The following TNRC6A variants were observed in gnomAD, a reference collection of about 807,000 sequenced individuals.
TNRC6A encodes trinucleotide repeat-containing gene 6A protein.
In TNRC6A, 44 loss-of-function variants were observed where a neutral mutation model predicts 221.2. The observed-to-expected ratio is 0.20, with a 90% CI of 0.16 to 0.26. The LOEUF (loss-of-function observed/expected upper bound fraction) is 0.26. TNRC6A is among the 10% of genes least tolerant of loss of function. The probability of loss-of-function intolerance (pLI) is 1.00; values close to 1 mark genes in which losing one functional copy is unlikely to be tolerated. For missense variants in TNRC6A, 2,199 were observed against 2,404.4 expected (o/e 0.91, Z 1.79); for synonymous variants, 847 against 838.5 (o/e 1.01, Z -0.18).
intron 10 of TNRC6A, 38 bp from the exon 11 acceptor site, chr16:24,797,877 A>G (rs1319114686): frequency 6.4e-7 from 1 of 1,554,524 alleles, no homozygotes; most frequent in Non-Finnish European, 8.7e-7. Context: ...TCATTGATAA[A>G]TTAAGGTCTG....
At chr16:24,628,248 G>A (rs574959330) in intron 1 of TNRC6A, among the ~76,000 whole-genome samples, 160 of 151,436 alleles carry the variant, frequency 1.1e-3, no homozygotes, top group Non-Finnish European at 1.7e-3. Context: ...GTGAAACCCC[G>A]TCTCTACTAA....
chr16:24,687,994 G>C (rs1402742695), intron 2 of TNRC6A, among the ~76,000 whole-genome samples: 1 of 140,360 alleles, frequency 7.1e-6, no homozygotes, highest in African/African-American at 2.7e-5. Context: ...GTGCAATGGC[G>C]CGATCTCTGC....
intron 17 of TNRC6A, among the ~76,000 whole-genome samples, chr16:24,807,090 C>T (rs1433805399): frequency 6.6e-6 from 1 of 151,678 alleles, no homozygotes; most frequent in African/African-American, 2.4e-5. Context: ...ACTGCAACCT[C>T]TGCCTCCCGG....
chr16:24,707,347 G>GGT (rs1555492124), intron 2 of TNRC6A, among the ~76,000 whole-genome samples: 3 of 76,034 alleles, frequency 3.9e-5, no homozygotes, highest in Admixed American at 1.5e-4. Flanking sequence ...GGGGAACATG[G>GGT]GCGCACACAC....
intron 1 of TNRC6A, among the ~76,000 whole-genome samples, chr16:24,616,817 A>G (rs775845485): frequency 2.6e-5 from 4 of 152,140 alleles, no homozygotes; most frequent in Non-Finnish European, 4.4e-5. Flanking sequence ...GCTACTCAGG[A>G]GCCTGAGGCA....
chr16:24,734,214 A>G (rs1333697190), intron 2 of TNRC6A, among the ~76,000 whole-genome samples: 2 of 152,168 alleles, frequency 1.3e-5, no homozygotes, highest in East Asian at 1.9e-4. Context: ...AGATGAGTGT[A>G]TAAGATACTG....
chr16:24,715,392 C>G (rs1188958915), intron 2 of TNRC6A, among the ~76,000 whole-genome samples: 1 of 151,800 alleles, frequency 6.6e-6, no homozygotes, highest in African/African-American at 2.4e-5. Context: ...CCTTTTAAGC[C>G]TTGTTGGGCA....
intron 5 of TNRC6A, among the ~76,000 whole-genome samples, chr16:24,786,954 T>G (rs565767770): frequency 6.6e-6 from 1 of 152,320 alleles, no homozygotes; most frequent in South Asian, 2.1e-4. Context: ...GTGTTGAGAT[T>G]ACAGGCATAA....
At chr16:24,730,195 C>G in intron 1 of TNRC6A, 58 bp from the exon 2 acceptor site, 1 of 1,520,018 alleles carries the variant, frequency 6.6e-7, no homozygotes, top group East Asian at 2.6e-5. Flanking sequence ...TTTTCACGCG[C>G]ATCTCGTTTT....
Position 24,789,866 on chromosome 16 carries a change from C to G in TNRC6A, c.1224C>G (p.Asn408Lys). The G allele has an allele frequency of 6.2e-7, 1 of 1,614,116 alleles. No individual in the cohort carries two copies. The highest frequency in any genetic ancestry group is 1.3e-5 in the African/African-American group (1 of 75,054). ...AGATGCCTAACAATCAGAGTATTAA[C>G]TCTAAAGTGAGTGGTGGTTCTACCC... is the stretch of plus-strand genomic sequence containing the variant. ...IGQMPNNQSINSKVSGGSTHG... is the reference protein window; with the variant it reads ...IGQMPNNQSIKSKVSGGSTHG... The change falls in exon 6 of 25, where the codon AAC becomes AAG. Residue 408 changes from asparagine (N) to lysine (K), a missense_variant. Physicochemically the swap from Asn to Lys is moderately conservative, Grantham distance 94. Transcript: ENST00000395799.
chr16:24,756,917 C>T (rs1418370397), intron 3 of TNRC6A, among the ~76,000 whole-genome samples: 2 of 151,980 alleles, frequency 1.3e-5, no homozygotes, highest in East Asian at 3.9e-4. Context: ...AGCCTTTCAA[C>T]GTGTAAAAGA....
rs1226181953 is a variant in TNRC6A at position 24,682,828 on chromosome 16, T to C, written n.402+41819T>C. Among the ~76,000 whole-genome samples the C allele has an allele frequency of 2.6e-5, 4 of 152,118 alleles. No homozygotes were observed. In the East Asian group the frequency reaches 5.8e-4, roughly 22 times the overall value. ...GGGGCTCCCTATTGGTCAAAACCAA[T>C]GGGAAGCCAGAAGACAAGGGAGCCC... On this transcript the variant is annotated intron_variant and non_coding_transcript_variant, in intron 2 of 2. Transcript: ENST00000566108.
intron 2 of TNRC6A, among the ~76,000 whole-genome samples, chr16:24,677,311 C>T (rs1309481881): frequency 2.0e-5 from 3 of 151,944 alleles, no homozygotes; most frequent in Non-Finnish European, 2.9e-5. Context: ...TACAGGCACC[C>T]ACCACCACAC....
chr16:24,731,241 C>T (rs1282985979), intron 2 of TNRC6A, among the ~76,000 whole-genome samples: 1 of 151,618 alleles, frequency 6.6e-6, no homozygotes, highest in Non-Finnish European at 1.5e-5. Context: ...TGAAATTTCT[C>T]CTATCTCAGG....
intron 2 of TNRC6A, among the ~76,000 whole-genome samples, chr16:24,651,441 G>A (rs1050961846): frequency 9.3e-5 from 14 of 150,288 alleles, no homozygotes; most frequent in Non-Finnish European, 8.8e-5. Context: ...AGGAGGCTGA[G>A]GCAGGAGAAT....
intron 1 of TNRC6A, among the ~76,000 whole-genome samples, chr16:24,612,268 C>T (rs907983841): frequency 1.3e-5 from 2 of 152,074 alleles, no homozygotes; most frequent in Admixed American, 6.6e-5. Context: ...GAGCAGAATC[C>T]GCCGAGTGAC....
At chr16:24,748,075 G>T (rs918675413) in intron 2 of TNRC6A, among the ~76,000 whole-genome samples, 1 of 152,122 alleles carries the variant, frequency 6.6e-6, no homozygotes, top group African/African-American at 2.4e-5. Context: ...TGCCACTGAG[G>T]ACTGGTGAGT....
At chr16:24,635,567 G>A (rs1901598584) in intron 1 of TNRC6A, among the ~76,000 whole-genome samples, 1 of 152,116 alleles carries the variant, frequency 6.6e-6, no homozygotes, top group Admixed American at 6.6e-5. Flanking sequence ...GCAGGCACGA[G>A]CCACCACACC....
intron 2 of TNRC6A, among the ~76,000 whole-genome samples, chr16:24,730,939 G>A (rs2056624758): frequency 6.7e-6 from 1 of 149,394 alleles, no homozygotes; most frequent in South Asian, 2.1e-4. Context: ...TATCGTTCCT[G>A]TTGGGCCCTG....
Sources: allele counts gnomAD v4.1 joint callset (sites outside exome capture counted in the v4.1 genomes callset), GRCh38; gene constraint gnomAD v4.1.1; transcripts MANE v1.5; gene names NCBI Gene and HGNC (gene_info 2026-07-23, HGNC 2026-07-21).